The following LTBP1 variants were observed in gnomAD, a reference collection of about 807,000 sequenced individuals.
LTBP1 encodes the protein latent-transforming growth factor beta-binding protein 1.
In LTBP1, 129 loss-of-function variants were observed where a neutral mutation model predicts 207.6. That is an observed-to-expected ratio of 0.62 (90% CI 0.54 to 0.72). The LOEUF (loss-of-function observed/expected upper bound fraction) is 0.72, where lower values mean the gene tolerates loss of function less well. Among genes scored for constraint, LTBP1 ranks in the 30% least tolerant of loss-of-function variants. The pLI is 0.00. For synonymous variants in LTBP1, 963 were observed against 833.7 expected (o/e 1.16, Z -2.67); for missense variants, 2,281 against 2,217.2 (o/e 1.03, Z -0.58).
chr2:33,347,806 G>C (rs937109260), intron 26 of LTBP1, among the ~76,000 whole-genome samples: 3 of 152,190 alleles, frequency 2.0e-5, no homozygotes, highest in Admixed American at 1.3e-4. Context: ...TTAAAACTTA[G>C]AGAGCTATCA....
At chr2:33,341,291 G>A (rs187375613) in intron 24 of LTBP1, among the ~76,000 whole-genome samples, 3 of 152,154 alleles carry the variant, frequency 2.0e-5, no homozygotes, top group African/African-American at 7.2e-5. Flanking sequence ...TGAAGATGTT[G>A]GAGAAGGATG....
At chr2:33,222,851 T>A (rs1425052650) in intron 9 of LTBP1, among the ~76,000 whole-genome samples, 1 of 152,230 alleles carries the variant, frequency 6.6e-6, no homozygotes, top group East Asian at 1.9e-4. Context: ...TACCCATATA[T>A]GATATCATAT....
chr2:33,201,743 C>G (rs1252671212), intron 7 of LTBP1, among the ~76,000 whole-genome samples: 1 of 151,992 alleles, frequency 6.6e-6, no homozygotes, highest in East Asian at 1.9e-4. Context: ...AAGGAAAGGA[C>G]TGGTAGTTGA....
At chr2:33,203,615 C>T (rs1227972329) in intron 7 of LTBP1, among the ~76,000 whole-genome samples, 1 of 152,086 alleles carries the variant, frequency 6.6e-6, no homozygotes, top group African/African-American at 2.4e-5. Context: ...CTCCCTAAGC[C>T]CCTCCTCTCA....
chr2:32,993,586 T>C (rs1156386660), intron 2 of LTBP1, among the ~76,000 whole-genome samples: 1 of 152,196 alleles, frequency 6.6e-6, no homozygotes, highest in African/African-American at 2.4e-5. Flanking sequence ...GTTTACTGGG[T>C]AGTCACTAGG....
At chr2:33,306,580 A>C (rs1219555030) in intron 22 of LTBP1, among the ~76,000 whole-genome samples, 2 of 151,968 alleles carry the variant, frequency 1.3e-5, no homozygotes, top group Non-Finnish European at 2.9e-5. Context: ...AAAAAAAAAA[A>C]CCAAAAACCA....
chr2:32,980,197 C>A (rs989252349), intron 2 of LTBP1, among the ~76,000 whole-genome samples: 5 of 152,158 alleles, frequency 3.3e-5, no homozygotes, highest in East Asian at 1.9e-4. Flanking sequence ...CTTACTCTTA[C>A]AATTTTGTTA....
At chr2:33,378,445 TG>T (rs1264962872) in intron 31 of LTBP1, among the ~76,000 whole-genome samples, 1 of 152,134 alleles carries the variant, frequency 6.6e-6, no homozygotes, top group Non-Finnish European at 1.5e-5. Context: ...TTGCCCAGGC[TG>T]GTTTCAAACT....
At chr2:33,243,426 T>G (rs2092402909) in intron 9 of LTBP1, among the ~76,000 whole-genome samples, 1 of 152,224 alleles carries the variant, frequency 6.6e-6, no homozygotes, top group African/African-American at 2.4e-5. Context: ...ATCAGTTTTT[T>G]TCACTAGTAA....
rs573286106 is a variant in LTBP1 at position 33,113,777 on chromosome 2, G to A, written c.1033+3026G>A. Among the ~76,000 whole-genome samples the A allele has an allele frequency of 3.9e-5, 6 of 152,132 alleles. 1 individual carries two copies. The highest frequency in any genetic ancestry group is 1.4e-4 in the African/African-American group (6 of 41,496). On this transcript the variant is annotated intron_variant, in intron 4 of 33. Transcript: ENST00000404816. ...GTATCAGTATCTTATTCCTTTTTAT[G>A]GCTGAGTAATACTCCCACATTGTAT...
At chr2:32,948,970 C>A (rs1175389895) in intron 2 of LTBP1, 25 bp downstream of exon 2, 1 of 1,612,696 alleles carries the variant, frequency 6.2e-7, no homozygotes, top group East Asian at 2.2e-5. Flanking sequence ...TCACAGTGGC[C>A]CTGCACAGTA....
Position 33,001,722 on chromosome 2 carries a change from G to T in LTBP1, c.566-19187G>T, listed in dbSNP as rs979612595. ...CATTGCATAGTATGGTCCCCGTGCT[G>T]CTCATCGTATAGGCCCTGCCAGAAT... On this transcript the variant is annotated intron_variant, in intron 2 of 33. Transcript: ENST00000404816. 3.0e-5 allele frequency among the ~76,000 whole-genome samples: 4 copies of T among 134,768 alleles called. 1 individual carries two copies. In the Admixed American group the frequency reaches 3.1e-4, roughly 10 times the overall value. The allele number at this position is 134,768 out of a possible 152,430, so 88.4% of individuals were successfully genotyped here.
intron 24 of LTBP1, among the ~76,000 whole-genome samples, chr2:33,331,280 G>A (rs982828972): frequency 1.3e-5 from 2 of 151,064 alleles, no homozygotes. Context: ...GGTTTAAATT[G>A]TCTTTATTTC....
chr2:33,017,790 G>A (rs219191), intron 2 of LTBP1, among the ~76,000 whole-genome samples: 1 of 152,102 alleles, frequency 6.6e-6, no homozygotes, highest in Non-Finnish European at 1.5e-5. Flanking sequence ...CTAATTTTTT[G>A]TATTTTTAGT....
At chr2:33,367,437 T>C (rs1260413286) in intron 31 of LTBP1, among the ~76,000 whole-genome samples, 1 of 152,174 alleles carries the variant, frequency 6.6e-6, no homozygotes, top group Non-Finnish European at 1.5e-5. Flanking sequence ...TCTGTGTTTT[T>C]TGTGTACCCT....
At chr2:33,172,861 T>G (rs547399565) in intron 5 of LTBP1, among the ~76,000 whole-genome samples, 2 of 152,012 alleles carry the variant, frequency 1.3e-5, no homozygotes, top group Non-Finnish European at 2.9e-5. Flanking sequence ...CACTCAAAAC[T>G]GCTCAACTAC....
At chr2:33,351,851 T>C (rs1346409043) in intron 26 of LTBP1, among the ~76,000 whole-genome samples, 2 of 152,250 alleles carry the variant, frequency 1.3e-5, no homozygotes. Flanking sequence ...CTCCTGTCCA[T>C]TCCTTAAATA....
chr2:33,354,016 T>C (rs887659098), intron 26 of LTBP1, among the ~76,000 whole-genome samples: 4 of 152,000 alleles, frequency 2.6e-5, no homozygotes, highest in Admixed American at 6.5e-5. Flanking sequence ...CCCGCCACCA[T>C]GCCCTGCTAA....
chr2:32,977,846 A>G (rs367801466), intron 2 of LTBP1, among the ~76,000 whole-genome samples: 1 of 152,070 alleles, frequency 6.6e-6, no homozygotes, highest in Non-Finnish European at 1.5e-5. Context: ...TTCATGGATG[A>G]TCAGCTTGTA....
Sources: allele counts gnomAD v4.1 joint callset (sites outside exome capture counted in the v4.1 genomes callset), GRCh38; gene constraint gnomAD v4.1.1; transcripts MANE v1.5; gene names NCBI Gene and HGNC (gene_info 2026-07-23, HGNC 2026-07-21).